RPS6KC1: variants seen among roughly 807,000 people sequenced by gnomAD.
RPS6KC1 encodes inactive ribosomal protein S6 kinase delta-1.
Under a neutral mutation model 103.8 loss-of-function variants are expected in RPS6KC1, and 54 were observed. That is an observed-to-expected ratio of 0.52 (90% CI 0.42 to 0.65). The LOEUF (loss-of-function observed/expected upper bound fraction) is 0.65. Among genes scored for constraint, RPS6KC1 ranks in the 30% least tolerant of loss-of-function variants. The pLI is 0.00. For missense variants in RPS6KC1, 1,151 were observed against 1,253.8 expected (o/e 0.92, Z 1.24); for synonymous variants, 439 against 438.7 (o/e 1.00, Z -0.01).
the RPS6KC1 span, among the ~76,000 whole-genome samples, chr1:213,477,560 T>G: frequency 6.6e-6 from 1 of 152,346 alleles, no homozygotes; most frequent in East Asian, 1.9e-4. Context: ...TTTTTTAAAA[T>G]TTGTAGTTAC....
the RPS6KC1 span, among the ~76,000 whole-genome samples, chr1:213,359,977 G>T: frequency 6.6e-6 from 1 of 152,122 alleles, no homozygotes; most frequent in Non-Finnish European, 1.5e-5. Context: ...TTTCTCTCTG[G>T]CTGCCCTTAA....
the RPS6KC1 span, among the ~76,000 whole-genome samples, chr1:213,747,033 A>G: frequency 2.6e-5 from 4 of 152,172 alleles, no homozygotes; most frequent in Admixed American, 2.6e-4. Context: ...AGCTATTTGC[A>G]TACACCTGAT....
intron 8 of RPS6KC1, among the ~76,000 whole-genome samples, chr1:213,213,195 T>C (rs1426473564): frequency 3.3e-5 from 5 of 152,362 alleles, no homozygotes; most frequent in Admixed American, 1.3e-4. Flanking sequence ...AGGATTTTAA[T>C]AATTTTATAT....
At chr1:213,381,864 G>C in the RPS6KC1 span, among the ~76,000 whole-genome samples, 1 of 152,290 alleles carries the variant, frequency 6.6e-6, no homozygotes, top group Admixed American at 6.5e-5. Context: ...CCTGCAGGAG[G>C]GGAGACTTGC....
chr1:213,260,115 G>C (rs995368799), intron 12 of RPS6KC1, among the ~76,000 whole-genome samples: 4 of 152,144 alleles, frequency 2.6e-5, no homozygotes, highest in Non-Finnish European at 5.9e-5. Flanking sequence ...TCTATTGTTA[G>C]GTAGTTCTCA....
At chr1:213,146,972 T>C (rs549018353) in intron 6 of RPS6KC1, among the ~76,000 whole-genome samples, 12 of 152,352 alleles carry the variant, frequency 7.9e-5, no homozygotes, top group African/African-American at 2.6e-4. Context: ...CCTTTTCTTA[T>C]GTTTGTTTGC....
chr1:213,108,034 T>A (rs2082662321), intron 4 of RPS6KC1, among the ~76,000 whole-genome samples: 1 of 152,224 alleles, frequency 6.6e-6, no homozygotes, highest in Admixed American at 6.5e-5. Context: ...AAGTGATTTG[T>A]AAATATTTTC....
the RPS6KC1 span, among the ~76,000 whole-genome samples, chr1:213,450,805 G>A: frequency 9.2e-5 from 14 of 152,200 alleles, no homozygotes; most frequent in South Asian, 4.2e-4. Flanking sequence ...GTGAAACTCC[G>A]TCTCTACTAA....
At chr1:213,155,180 C>T (rs542131091) in intron 6 of RPS6KC1, among the ~76,000 whole-genome samples, 25 of 152,054 alleles carry the variant, frequency 1.6e-4, no homozygotes, top group African/African-American at 5.1e-4. Context: ...GGAGGAATGG[C>T]GTGTCTTTTG....
At chr1:213,638,705 A>G in the RPS6KC1 span, among the ~76,000 whole-genome samples, 3 of 152,076 alleles carry the variant, frequency 2.0e-5, no homozygotes, top group South Asian at 2.1e-4. Flanking sequence ...ATTATGTTCC[A>G]TTGATCTATT....
chr1:213,369,217 T>G, the RPS6KC1 span, among the ~76,000 whole-genome samples: 10 of 152,134 alleles, frequency 6.6e-5, no homozygotes, highest in Non-Finnish European at 1.0e-4. Context: ...GTTGAAGTTA[T>G]AGGGCATGAG....
the RPS6KC1 span, among the ~76,000 whole-genome samples, chr1:213,664,919 G>T: frequency 6.6e-6 from 1 of 152,140 alleles, no homozygotes; most frequent in Non-Finnish European, 1.5e-5. Context: ...TATATGAAAA[G>T]GATGAAATGT....
At chr1:213,827,938 CA>C in the RPS6KC1 span, among the ~76,000 whole-genome samples, 2 of 152,116 alleles carry the variant, frequency 1.3e-5, no homozygotes, top group African/African-American at 4.8e-5. Context: ...CTGCCATCCA[CA>C]AAATGATGAA....
the RPS6KC1 span, among the ~76,000 whole-genome samples, chr1:213,288,457 G>A: frequency 6.6e-6 from 1 of 152,284 alleles, no homozygotes; most frequent in South Asian, 2.1e-4. Flanking sequence ...AGTCTAGAAG[G>A]GACAGATTCA....
the RPS6KC1 span, among the ~76,000 whole-genome samples, chr1:213,386,303 C>CA: frequency 9.2e-5 from 14 of 151,374 alleles, no homozygotes; most frequent in South Asian, 1.3e-3. Flanking sequence ...AATCATGAGC[C>CA]AAAAAAAACC....
chr1:213,134,650 G>A (rs1004263901), intron 6 of RPS6KC1, among the ~76,000 whole-genome samples: 2 of 152,114 alleles, frequency 1.3e-5, no homozygotes, highest in Admixed American at 6.6e-5. Flanking sequence ...CTTGTATGGA[G>A]CTTGGACCAT....
chr1:213,448,768 C>CAA, the RPS6KC1 span, among the ~76,000 whole-genome samples: 2 of 131,860 alleles, frequency 1.5e-5, no homozygotes, highest in South Asian at 2.5e-4. Context: ...CAATCTGTTA[C>CAA]AAAAAAAAAA....
intron 8 of RPS6KC1, among the ~76,000 whole-genome samples, chr1:213,208,102 G>T (rs192598617): frequency 5.3e-5 from 8 of 152,112 alleles, no homozygotes; most frequent in Non-Finnish European, 7.4e-5. Flanking sequence ...CCCCATTTGC[G>T]TATTCTTATA....
At chr1:213,387,692 T>C in the RPS6KC1 span, among the ~76,000 whole-genome samples, 4 of 152,234 alleles carry the variant, frequency 2.6e-5, no homozygotes, top group Non-Finnish European at 5.9e-5. Flanking sequence ...GGGGCATACA[T>C]ACACTCCTGT....
Sources: gnomAD v4.1 joint callset for allele counts (sites outside exome capture counted in the v4.1 genomes callset) on GRCh38, gnomAD v4.1.1 for gene constraint, MANE v1.5 for transcripts, NCBI Gene and HGNC (gene_info 2026-07-23, HGNC 2026-07-21) for gene names.